Variants in CDH2 observed in about 807,000 individuals in gnomAD.
CDH2 encodes the protein cadherin-2.
A neutral mutation model predicts 92.0 loss-of-function variants in CDH2; 17 were observed. That is an observed-to-expected ratio of 0.18 (90% CI 0.13 to 0.28). CDH2 has a LOEUF of 0.28. CDH2 is among the 10% of genes least tolerant of loss of function. The probability of loss-of-function intolerance (pLI) is 1.00; values close to 1 mark genes in which losing one functional copy is unlikely to be tolerated. For synonymous variants in CDH2, 419 were observed against 415.9 expected (o/e 1.01, Z -0.09); for missense variants, 862 against 1,133.1 (o/e 0.76, Z 3.44).
chr18:28,052,310 TTATAA>T (rs1308881437), intron 2 of CDH2, among the ~76,000 whole-genome samples: 3 of 152,198 alleles, frequency 2.0e-5, no homozygotes, highest in East Asian at 1.9e-4. Context: ...TGTATCAAAC[TTATAA>T]TTAAATAGAT....
At chr18:28,028,351 T>C (rs931937478) in intron 2 of CDH2, among the ~76,000 whole-genome samples, 3 of 152,050 alleles carry the variant, frequency 2.0e-5, no homozygotes, top group Non-Finnish European at 2.9e-5. Context: ...AAGAGGTTCA[T>C]AGAACATGAT....
intron 13 of CDH2, among the ~76,000 whole-genome samples, chr18:27,983,772 A>G (rs572727153): frequency 6.6e-6 from 1 of 152,340 alleles, no homozygotes; most frequent in Admixed American, 6.5e-5. Context: ...GTTTCCTTCA[A>G]AATGTCAGTT....
At chr18:28,145,241 C>T (rs2016017346) in intron 2 of CDH2, among the ~76,000 whole-genome samples, 4 of 152,002 alleles carry the variant, frequency 2.6e-5, no homozygotes, top group Admixed American at 2.6e-4. Flanking sequence ...AAGGAAGCAT[C>T]CAGAGTTAGG....
chr18:28,044,101 T>C (rs1193819710), intron 2 of CDH2, among the ~76,000 whole-genome samples: 2 of 151,566 alleles, frequency 1.3e-5, no homozygotes, highest in East Asian at 1.9e-4. Context: ...TTAGTAGAGA[T>C]AGGTTTTCAC....
intron 1 of CDH2, among the ~76,000 whole-genome samples, chr18:28,158,587 G>A (rs1314236173): frequency 6.6e-6 from 1 of 152,182 alleles, no homozygotes; most frequent in African/African-American, 2.4e-5. Context: ...TGCCCAGTCA[G>A]TGTTACCCTG....
chr18:28,108,489 T>C (rs1343980054), intron 2 of CDH2, among the ~76,000 whole-genome samples: 3 of 152,104 alleles, frequency 2.0e-5, no homozygotes, highest in Non-Finnish European at 4.4e-5. Context: ...CAAGTCTAAC[T>C]CACCCTGACA....
intron 1 of CDH2, 106 bp from the exon 2 acceptor site, chr18:28,147,890 C>A: frequency 3.1e-6 from 2 of 642,362 alleles, no homozygotes; most frequent in South Asian, 1.9e-5. Context: ...CTATCTTGTA[C>A]AAACAACCCC....
chr18:27,980,556 T>C (rs968828505), intron 14 of CDH2, among the ~76,000 whole-genome samples: 4 of 152,190 alleles, frequency 2.6e-5, no homozygotes, highest in African/African-American at 4.8e-5. Context: ...AACCCCATTA[T>C]ATAATTTTGT....
chr18:27,985,806 C>A (rs1248107722), intron 11 of CDH2, 45 bp from the exon 12 acceptor site: 1 of 1,066,702 alleles, frequency 9.4e-7, no homozygotes. Flanking sequence ...CAGTTCTCTC[C>A]AATGAGCCTC....
chr18:28,110,761 G>C (rs962929676), intron 2 of CDH2, among the ~76,000 whole-genome samples: 1 of 152,088 alleles, frequency 6.6e-6, no homozygotes, highest in Non-Finnish European at 1.5e-5. Flanking sequence ...AAATGAAAAA[G>C]ACACCTATAT....
At chr18:28,111,504 T>C (rs1480524097) in intron 2 of CDH2, among the ~76,000 whole-genome samples, 2 of 152,194 alleles carry the variant, frequency 1.3e-5, no homozygotes, top group African/African-American at 2.4e-5. Flanking sequence ...ACGATAATCT[T>C]AGAAACGATC....
At position 28,011,953 on chromosome 18, in the gene CDH2, A is replaced by T; in HGVS notation, c.439T>A (p.Phe147Ile). The change falls in exon 4 of 16, where the codon TTC (phenylalanine) becomes ATC (isoleucine). Residue 147 changes from phenylalanine to isoleucine, a missense_variant. By Grantham distance (21) the Phe-to-Ile change is conservative. Transcript: ENST00000269141. ...EVEEIVFPRQ[F>I]SKHSGHLQRQ... The stretch of plus-strand genomic sequence containing the variant: ...TGTAGGTGGCCACTGTGCTTACTGA[A>T]TTGTCTTGGGAACACTATTTCTTCA... 1 of 1,613,936 alleles carries T rather than the reference A, an allele frequency of 6.2e-7. No individual in the cohort carries two copies.
intron 1 of CDH2, among the ~76,000 whole-genome samples, chr18:28,163,090 T>G (rs2016330001): frequency 6.6e-6 from 1 of 152,164 alleles, no homozygotes; most frequent in Admixed American, 6.5e-5. Context: ...AGGCTAGTGT[T>G]CATAAAGACA....
In CDH2 at chr18:27,936,957, C is replaced by T. The variant is rs186088504; in HGVS notation, c.1152-3833G>A. Reference sequence around the variant, plus strand: ...CTCAAGTTTTAGAGATATTCTAATTCAAAAGGAAACTTTAGTAATGCCAAC... The same window carrying T: ...CTCAAGTTTTAGAGATATTCTAATTTAAAAGGAAACTTTAGTAATGCCAAC... On this transcript the variant is annotated intron_variant, in intron 6 of 6. Transcript: ENST00000675173. Among the ~76,000 whole-genome samples, 7 of 152,258 alleles carry T rather than the reference C, an allele frequency of 4.6e-5. No individual in the cohort carries two copies. The East Asian group carries it at 1.4e-3, about 29-fold the overall frequency.
chr18:28,010,344 G>T (rs1036223181), intron 4 of CDH2, among the ~76,000 whole-genome samples: 4 of 152,214 alleles, frequency 2.6e-5, no homozygotes, highest in African/African-American at 9.6e-5. Flanking sequence ...CTGAATGTCA[G>T]ACTTCTGTAC....
intron 1 of CDH2, among the ~76,000 whole-genome samples, chr18:28,169,806 A>G (rs1384658402): frequency 6.6e-6 from 1 of 152,228 alleles, no homozygotes; most frequent in Non-Finnish European, 1.5e-5. Flanking sequence ...GCACTATACA[A>G]CTAATTCTCC....
At chr18:28,065,428 T>A (rs1328602942) in intron 2 of CDH2, among the ~76,000 whole-genome samples, 1 of 152,182 alleles carries the variant, frequency 6.6e-6, no homozygotes, top group African/African-American at 2.4e-5. Flanking sequence ...GTTCACTACA[T>A]GTTAACAAGA....
intron 2 of CDH2, among the ~76,000 whole-genome samples, chr18:28,138,509 T>TAA (rs2015901305): frequency 6.6e-6 from 1 of 152,110 alleles, no homozygotes; most frequent in Non-Finnish European, 1.5e-5. Flanking sequence ...CAGTTTCCCC[T>TAA]ATTTGAAAGA....
chr18:28,140,690 T>A (rs2015937739), intron 2 of CDH2, among the ~76,000 whole-genome samples: 1 of 151,684 alleles, frequency 6.6e-6, no homozygotes, highest in Non-Finnish European at 1.5e-5. Flanking sequence ...GTTTATAAGC[T>A]ACCCAATTTA....
Sources: allele counts gnomAD v4.1 joint callset (sites outside exome capture counted in the v4.1 genomes callset), GRCh38; gene constraint gnomAD v4.1.1; transcripts MANE v1.5; gene names NCBI Gene and HGNC (gene_info 2026-07-23, HGNC 2026-07-21).